Variants in GTSF1L observed in about 807,000 individuals in gnomAD.
GTSF1L encodes gametocyte specific factor 1 like.
A neutral mutation model predicts 1.1 loss-of-function variants in GTSF1L; 1 was observed. That is an observed-to-expected ratio of 0.90 (90% CI 0.32 to 4.28). GTSF1L has a LOEUF of 4.28. GTSF1L is among the 30% of genes most tolerant of loss of function. The pLI, the probability that GTSF1L is intolerant of heterozygous loss-of-function variation, is 0.17. For synonymous variants in GTSF1L, 62 were observed against 69.3 expected (o/e 0.89, Z 0.53); for missense variants, 169 against 181.9 (o/e 0.93, Z 0.41).
In GTSF1L at chr20:43,726,670, A is replaced by G; in HGVS notation, c.25T>C (p.Cys9Arg). MEPEAFEI[C>R]PYDPHHRIPL... ...ATTCGGTGGTGAGGATCATAAGGGC[A>G]AATTTCAAAGGCTTCTGGCTCCATG... The change falls in exon 1 of 1, where the codon TGC becomes CGC. Residue 9 changes from cysteine (C) to arginine (R), a missense_variant. Transcript: ENST00000373003. The G allele has an allele frequency of 1.3e-6, 2 of 1,587,214 alleles. No individual in the cohort carries two copies. The highest frequency in any genetic ancestry group is 1.7e-6 in the Non-Finnish European group (2 of 1,167,074).
chr20:43,726,186 C>G lies in GTSF1L; in HGVS notation c.*62G>C. The G allele has an allele frequency of 8.3e-7, 1 of 1,203,420 alleles. No homozygotes were observed. 74.5% of individuals were successfully genotyped at this position (1,203,420 alleles called of 1,614,324 possible). On this transcript the variant is annotated 3_prime_UTR_variant, in exon 1 of 1. Transcript: ENST00000373003. ...TAGTTTACTTTGCATGTCTTTTATTCTGATGCATTGCACGTTCTTCCATGC... is the reference window on the plus strand; with the variant it reads ...TAGTTTACTTTGCATGTCTTTTATTGTGATGCATTGCACGTTCTTCCATGC...
rs2068183780 is a variant in GTSF1L at position 43,726,557 on chromosome 20, GT to G, written c.137del (p.Asn46ThrfsTer33). On this transcript the variant is annotated frameshift_variant, in exon 1 of 1. Coordinates refer to ENST00000373003, the MANE Select transcript of GTSF1L (RefSeq NM_176791.4). LOFTEE classifies it low-confidence loss of function (END_TRUNC). ...TTTTGATGGGGACCACGTGGCAGGC[GT>G]TGTATTTGCAGGTGGCCATCTTTTT... ...KAKKMATCKY[N>X]ACHVVPIKNL... The G allele has an allele frequency of 6.2e-7, 1 of 1,613,920 alleles. No individual in the cohort carries two copies. Among genetic ancestry groups the G allele is most frequent in the African/African-American group, 1.3e-5 (1 of 74,872 alleles).
Position 43,726,300 on chromosome 20 carries a change from T to C in GTSF1L, c.395A>G (p.Lys132Arg). 6.2e-7 allele frequency: 1 copy of C among 1,614,148 alleles called. No individual in the cohort carries two copies. Among genetic ancestry groups the C allele is most frequent in the Non-Finnish European group, 8.5e-7 (1 of 1,180,012 alleles). ...PQKVVCENDT[K>R]ESARETSPQK... ...GGGACTGGTCTCTCTTGCTGACTCT[T>C]TCGTGTCATTTTCACAAACAACCTT... Residue 132 changes from lysine (K) to arginine (R), a missense_variant, in exon 1 of 1, where the codon AAA becomes AGA. By Grantham distance (26) the Lys-to-Arg change is conservative (BLOSUM62 2). Transcript: ENST00000373003.
Position 43,726,600 on chromosome 20 carries a change from T to C in GTSF1L, c.95A>G (p.Lys32Arg). 3 of 1,614,108 alleles carry C rather than the reference T, an allele frequency of 1.9e-6. No individual in the cohort carries two copies. Among genetic ancestry groups the C allele is most frequent in the Non-Finnish European group, 8.5e-7 (1 of 1,180,014 alleles). Residue 32 changes from lysine (K) to arginine (R), a missense_variant, in exon 1 of 1, where the codon AAG becomes AGG. Physicochemically the swap from Lys to Arg is conservative, Grantham distance 26 (BLOSUM62 2). Transcript: ENST00000373003. ...FQYHLASCRR[K>R]NPKKAKKMAT... ...CATCTTTTTGGCTTTCTTGGGGTTCTTTCTCCTGCACGATGCCAGGTGGTA... is the reference window on the plus strand; with the variant it reads ...CATCTTTTTGGCTTTCTTGGGGTTCCTTCTCCTGCACGATGCCAGGTGGTA...
Position 43,726,719 on chromosome 20 carries a change from T to G in GTSF1L, c.-25A>C, listed in dbSNP as rs1280750751. ...TGAGAAATTCTTGAAGCAGGGTATCTCACTGCTAGAGTCTAACGGAAATGC... is the reference window on the plus strand; with the variant it reads ...TGAGAAATTCTTGAAGCAGGGTATCGCACTGCTAGAGTCTAACGGAAATGC... On this transcript the variant is annotated 5_prime_UTR_variant, in exon 1 of 1. Coordinates refer to ENST00000373003, the MANE Select transcript of GTSF1L (RefSeq NM_176791.4). 6.8e-7 allele frequency: 1 copy of G among 1,477,510 alleles called. No individual in the cohort carries two copies. Among genetic ancestry groups the G allele is most frequent in the Non-Finnish European group, 9.2e-7 (1 of 1,088,934 alleles). 91.5% of individuals were successfully genotyped at this position (1,477,510 alleles called of 1,614,324 possible). A position where few individuals can be genotyped will look rare whatever the true frequency, so the allele number is the denominator to read the frequency against.
In GTSF1L at chr20:43,726,572, G is replaced by A. The variant is rs1474144114; in HGVS notation, c.123C>T (p.Ala41=). Residue 41 remains alanine, a synonymous_variant, in exon 1 of 1, where the codon GCC becomes GCT. Coordinates refer to ENST00000373003, the MANE Select transcript of GTSF1L (RefSeq NM_176791.4). Reference sequence around the variant, plus strand: ...CGTGGCAGGCGTTGTATTTGCAGGTGGCCATCTTTTTGGCTTTCTTGGGGT... The same window carrying A: ...CGTGGCAGGCGTTGTATTTGCAGGTAGCCATCTTTTTGGCTTTCTTGGGGT... ...RKNPKKAKKM[A]TCKYNACHVV... The A allele has an allele frequency of 6.2e-7, 1 of 1,614,016 alleles. No homozygotes were observed. Among genetic ancestry groups the A allele is most frequent in the South Asian group, 1.1e-5 (1 of 91,068 alleles).
Position 43,726,548 on chromosome 20 carries a change from G to A in GTSF1L, c.147C>T (p.His49=), listed in dbSNP as rs774391041. ...CCTCCAGATTTTTGATGGGGACCAC[G>A]TGGCAGGCGTTGTATTTGCAGGTGG... is the stretch of plus-strand genomic sequence containing the variant. The part of the protein sequence containing the change: ...KMATCKYNAC[H]VVPIKNLEEH... The change falls in exon 1 of 1, where the codon CAC becomes CAT. Residue 49 remains histidine (H), a synonymous_variant. Coordinates refer to ENST00000373003, the MANE Select transcript of GTSF1L (RefSeq NM_176791.4). 1.6e-5 allele frequency: 26 copies of A among 1,613,962 alleles called. No individual in the cohort carries two copies. Among genetic ancestry groups the A allele is most frequent in the East Asian group, 2.2e-5 (1 of 44,896 alleles).
chr20:43,726,617 C>T lies in GTSF1L; in HGVS notation c.78G>A (p.Leu26=), dbSNP rs1217684206. Residue 26 remains leucine, a synonymous_variant, in exon 1 of 1, where the codon CTG becomes CTA. Coordinates refer to ENST00000373003, the MANE Select transcript of GTSF1L (RefSeq NM_176791.4). ...TGGGGTTCTTTCTCCTGCACGATGC[C>T]AGGTGGTACTGGAATCTGCTGAGTG... ...RIPLSRFQYH[L]ASCRRKNPKK... The T allele has an allele frequency of 2.5e-6, 4 of 1,613,616 alleles. No homozygotes were observed. In the African/African-American group the frequency reaches 5.3e-5, roughly 22 times the overall value.
Position 43,726,782 on chromosome 20 carries a change from T to G in GTSF1L, c.-88A>C. The G allele has an allele frequency of 9.8e-7, 1 of 1,023,968 alleles. No individual in the cohort carries two copies. The highest frequency in any genetic ancestry group is 2.4e-5 in the Admixed American group (1 of 42,206). The allele number at this position is 1,023,968 out of a possible 1,614,324, so 63.4% of individuals were successfully genotyped here. ...AGCCCTTTTGTAAGAAGGATGGAGT[T>G]GTCCTCTGCCCAGTTTTGGCCCTTG... is the stretch of plus-strand genomic sequence containing the variant. On this transcript the variant is annotated 5_prime_UTR_variant, in exon 1 of 1. Transcript: ENST00000373003.
In GTSF1L at chr20:43,726,546, A is replaced by G. The variant is rs748858697; in HGVS notation, c.149T>C (p.Val50Ala). The change falls in exon 1 of 1, where the codon GTG (valine) becomes GCG (alanine). Residue 50 changes from valine (V) to alanine (A), a missense_variant. Val to Ala is a moderately conservative substitution (Grantham distance 64). Coordinates refer to ENST00000373003, the MANE Select transcript of GTSF1L (RefSeq NM_176791.4). ...MATCKYNACH[V>A]VPIKNLEEHE... ...TTCCTCCAGATTTTTGATGGGGACC[A>G]CGTGGCAGGCGTTGTATTTGCAGGT... 2.5e-6 allele frequency: 4 copies of G among 1,614,008 alleles called. No individual in the cohort carries two copies. Among genetic ancestry groups the G allele is most frequent in the Admixed American group, 1.7e-5 (1 of 59,978 alleles).
In GTSF1L at chr20:43,726,261, C is replaced by A; in HGVS notation, c.434G>T (p.Arg145Ile). 6.2e-7 allele frequency: 1 copy of A among 1,611,378 alleles called. No individual in the cohort carries two copies. The highest frequency in any genetic ancestry group is 1.1e-5 in the South Asian group (1 of 90,762). Residue 145 changes from arginine to isoleucine, a missense_variant, in exon 1 of 1, where the codon AGA (arginine) becomes ATA (isoleucine). Arg to Ile is a moderately conservative substitution (Grantham distance 97). Coordinates refer to ENST00000373003, the MANE Select transcript of GTSF1L (RefSeq NM_176791.4). ...TCAGCTGGCAGTTTACTGTCCTGGT[C>A]TGAGGATCTTCTGGGGACTGGTCTC... ...ARETSPQKIL[R>I]PGQ
Position 43,726,514 on chromosome 20 carries a change from C to T in GTSF1L, c.181G>A (p.Ala61Thr), listed in dbSNP as rs1030561919. The change falls in exon 1 of 1, where the codon GCT becomes ACT. Residue 61 changes from alanine (A) to threonine (T), a missense_variant. Coordinates refer to ENST00000373003, the MANE Select transcript of GTSF1L (RefSeq NM_176791.4). ...ACAGCGCTCCTGTTGACACAAACAG[C>T]CTCATGTTCCTCCAGATTTTTGATG... is the stretch of plus-strand genomic sequence containing the variant. ...VPIKNLEEHE[A>T]VCVNRSAVEE... 4 of 1,613,944 alleles carry T rather than the reference C, an allele frequency of 2.5e-6. No homozygotes were observed. The highest frequency in any genetic ancestry group is 2.5e-6 in the Non-Finnish European group (3 of 1,180,024).
Position 43,726,176 on chromosome 20 carries a change from G to T in GTSF1L, c.*72C>A. 8.9e-7 allele frequency: 1 copy of T among 1,123,862 alleles called. No individual in the cohort carries two copies. Among genetic ancestry groups the T allele is most frequent in the Non-Finnish European group, 1.3e-6 (1 of 779,154 alleles). 69.6% of individuals were successfully genotyped at this position (1,123,862 alleles called of 1,614,324 possible). On this transcript the variant is annotated 3_prime_UTR_variant, in exon 1 of 1. Transcript: ENST00000373003. ...TAGCCCAGGGTAGTTTACTTTGCATGTCTTTTATTCTGATGCATTGCACGT... is the reference window on the plus strand; with the variant it reads ...TAGCCCAGGGTAGTTTACTTTGCATTTCTTTTATTCTGATGCATTGCACGT...
At position 43,726,508 on chromosome 20, in the gene GTSF1L, A is replaced by G; in HGVS notation, c.187T>C (p.Cys63Arg). 1 of 1,613,996 alleles carries G rather than the reference A, an allele frequency of 6.2e-7. No individual in the cohort carries two copies. The highest frequency in any genetic ancestry group is 1.1e-5 in the South Asian group (1 of 91,058). ...TCTTCCACAGCGCTCCTGTTGACAC[A>G]AACAGCCTCATGTTCCTCCAGATTT... ...IKNLEEHEAV[C>R]VNRSAVEEED... Residue 63 changes from cysteine (C) to arginine (R), a missense_variant, in exon 1 of 1, where the codon TGT (cysteine) becomes CGT (arginine). Transcript: ENST00000373003.
In GTSF1L at chr20:43,726,422, G is replaced by T. The variant is rs1293524827; in HGVS notation, c.273C>A (p.Thr91=). ...TGGGAAGGCAGGGTGAGACCTGCTG[G>T]GTGTCATCGTTCTGCTCTGAACTAG... The part of the protein sequence containing the change: ...SPPSSEQNDD[T]QQVSPCLPSP... Residue 91 remains threonine (T), a synonymous_variant, in exon 1 of 1, where the codon ACC becomes ACA. Coordinates refer to ENST00000373003, the MANE Select transcript of GTSF1L (RefSeq NM_176791.4). 7 of 1,613,726 alleles carry T rather than the reference G, an allele frequency of 4.3e-6. No homozygotes were observed. Among genetic ancestry groups the T allele is most frequent in the South Asian group, 1.1e-5 (1 of 91,054 alleles).
chr20:43,726,290 T>C lies in GTSF1L; in HGVS notation c.405A>G (p.Ala135=), dbSNP rs765269976. Residue 135 remains alanine (A), a synonymous_variant, in exon 1 of 1, where the codon GCA becomes GCG. Transcript: ENST00000373003. ...VVCENDTKES[A]RETSPQKILR... is the part of the protein sequence containing the mutation. Reference sequence around the variant, plus strand: ...GGATCTTCTGGGGACTGGTCTCTCTTGCTGACTCTTTCGTGTCATTTTCAC... The same window carrying C: ...GGATCTTCTGGGGACTGGTCTCTCTCGCTGACTCTTTCGTGTCATTTTCAC... 2 of 1,614,130 alleles carry C rather than the reference T, an allele frequency of 1.2e-6. No individual in the cohort carries two copies. The highest frequency in any genetic ancestry group is 2.2e-5 in the South Asian group (2 of 91,084).
In GTSF1L at chr20:43,726,343, T is replaced by C; in HGVS notation, c.352A>G (p.Lys118Glu). 6.2e-7 allele frequency: 1 copy of C among 1,614,170 alleles called. No individual in the cohort carries two copies. The highest frequency in any genetic ancestry group is 8.5e-7 in the Non-Finnish European group (1 of 1,180,044). ...GANCQHVFVL[K>E]TFFPQKVVCE... is the part of the protein sequence containing the mutation. ...ACAACCTTTTGAGGAAAAAAAGTCT[T>C]AAGGACAAACACATGCTGGCAATTA... The change falls in exon 1 of 1, where the codon AAG becomes GAG. Residue 118 changes from lysine to glutamate, a missense_variant. Transcript: ENST00000373003.
At position 43,726,763 on chromosome 20, in the gene GTSF1L, T is replaced by C; in HGVS notation, c.-69A>G. On this transcript the variant is annotated 5_prime_UTR_variant, in exon 1 of 1. Transcript: ENST00000373003. ...GAAATGCTTCTTGTGGAGAAGCCCT[T>C]TTGTAAGAAGGATGGAGTTGTCCTC... The C allele has an allele frequency of 8.2e-7, 1 of 1,217,256 alleles. No homozygotes were observed. The highest frequency in any genetic ancestry group is 1.2e-6 in the Non-Finnish European group (1 of 861,448). 75.4% of individuals were successfully genotyped at this position (1,217,256 alleles called of 1,614,324 possible).
At position 43,726,623 on chromosome 20, in the gene GTSF1L, G is replaced by A. The variant is rs756862990; in HGVS notation, c.72C>T (p.Tyr24=). The A allele has an allele frequency of 5.0e-5, 81 of 1,613,276 alleles. No homozygotes were observed. The highest frequency in any genetic ancestry group is 2.2e-4 in the Admixed American group (13 of 59,866). ...HHRIPLSRFQ[Y]HLASCRRKNP... ...TCTTTCTCCTGCACGATGCCAGGTGGTACTGGAATCTGCTGAGTGGGATTC... is the reference window on the plus strand; with the variant it reads ...TCTTTCTCCTGCACGATGCCAGGTGATACTGGAATCTGCTGAGTGGGATTC... Residue 24 remains tyrosine (Y), a synonymous_variant, in exon 1 of 1, where the codon TAC becomes TAT. Transcript: ENST00000373003.
Sources: gnomAD v4.1 joint callset for allele counts on GRCh38, gnomAD v4.1.1 for gene constraint, MANE v1.5 for transcripts, NCBI Gene and HGNC (gene_info 2026-07-23, HGNC 2026-07-21) for gene names.